The following ZFPM2 variants were observed in gnomAD, a reference collection of about 807,000 sequenced individuals.
The protein encoded by ZFPM2 is zinc finger protein ZFPM2.
ZFPM2 carries 20 observed loss-of-function variants against 98.6 expected under a neutral mutation model. The ratio of observed to expected loss-of-function variants is 0.20; its 90% CI spans 0.14 to 0.29. ZFPM2 has a LOEUF of 0.29. Among genes scored for constraint, ZFPM2 ranks in the 10% least tolerant of loss-of-function variants. ZFPM2 has a pLI of 1.00. For synonymous variants in ZFPM2, 518 were observed against 502.7 expected (o/e 1.03, Z -0.41); for missense variants, 1,310 against 1,388.6 (o/e 0.94, Z 0.90).
chr8:105,455,764 G>A (rs141002435), intron 3 of ZFPM2, among the ~76,000 whole-genome samples: 6 of 152,236 alleles, frequency 3.9e-5, no homozygotes, highest in Admixed American at 1.3e-4. Flanking sequence ...ATTTACTGAG[G>A]TAAGAAAGAC....
At chr8:105,519,040 C>A (rs376501389) in intron 3 of ZFPM2, among the ~76,000 whole-genome samples, 26 of 152,300 alleles carry the variant, frequency 1.7e-4, no homozygotes, top group African/African-American at 5.8e-4. Context: ...ACACACCATT[C>A]TACAGAAATA....
intron 4 of ZFPM2, among the ~76,000 whole-genome samples, chr8:105,597,469 C>T (rs1211407395): frequency 6.6e-6 from 1 of 152,086 alleles, no homozygotes. Flanking sequence ...GTGATTTTCT[C>T]ATGAACATGC....
intron 4 of ZFPM2, among the ~76,000 whole-genome samples, chr8:105,564,027 G>A (rs1020150883): frequency 2.6e-5 from 4 of 152,066 alleles, no homozygotes; most frequent in African/African-American, 9.6e-5. Flanking sequence ...AAATCGTGAT[G>A]GATAGAAGAT....
At chr8:105,672,813 G>A (rs1412068638) in intron 5 of ZFPM2, among the ~76,000 whole-genome samples, 2 of 152,140 alleles carry the variant, frequency 1.3e-5, no homozygotes, top group Non-Finnish European at 2.9e-5. Context: ...CATGTCCTTC[G>A]AGAAGCAGAT....
At chr8:105,774,542 A>G (rs1813054679) in intron 5 of ZFPM2, among the ~76,000 whole-genome samples, 1 of 152,206 alleles carries the variant, frequency 6.6e-6, no homozygotes, top group Non-Finnish European at 1.5e-5. Context: ...GCAAAGGGAC[A>G]TGAAAACAAG....
At chr8:105,645,052 A>C (rs755980329) in intron 5 of ZFPM2, among the ~76,000 whole-genome samples, 2 of 152,208 alleles carry the variant, frequency 1.3e-5, no homozygotes. Context: ...TGGGAGTTCT[A>C]TAAGGACAGG....
At chr8:105,541,833 A>G (rs1450188389) in intron 3 of ZFPM2, among the ~76,000 whole-genome samples, 2 of 152,200 alleles carry the variant, frequency 1.3e-5, no homozygotes, top group Non-Finnish European at 1.5e-5. Flanking sequence ...TCAGTATAAC[A>G]TCTGAATCTT....
At chr8:105,706,227 T>C (rs1339202774) in intron 5 of ZFPM2, among the ~76,000 whole-genome samples, 1 of 152,092 alleles carries the variant, frequency 6.6e-6, no homozygotes, top group Non-Finnish European at 1.5e-5. Flanking sequence ...AATTCAAATA[T>C]AAACATACAT....
intron 3 of ZFPM2, among the ~76,000 whole-genome samples, chr8:105,510,357 C>T (rs548899447): frequency 4.9e-4 from 73 of 150,376 alleles, no homozygotes; most frequent in African/African-American, 1.7e-3. Context: ...CGACTATGTT[C>T]GTCGGGCTAC....
intron 5 of ZFPM2, among the ~76,000 whole-genome samples, chr8:105,755,972 A>G (rs1812587220): frequency 6.6e-6 from 1 of 152,136 alleles, no homozygotes. Flanking sequence ...AGGTGAGTGT[A>G]AGATATTCTC....
rs146088488 is a variant in ZFPM2, at chr8:105,595,444, A to T, written c.420+33963A>T. On this transcript the variant is annotated intron_variant, in intron 4 of 7. Coordinates refer to ENST00000407775, the MANE Select transcript of ZFPM2 (RefSeq NM_012082.4). ...TTATCCAACAGGGGTAAGTGTGAAG[A>T]TTAAACATTTTACTGTCTCAGATGC... 4.0e-3 allele frequency among the ~76,000 whole-genome samples: 602 copies of T among 152,238 alleles called. 4 individuals are homozygous for T. The highest frequency in any genetic ancestry group is 0.014 in the African/African-American group (580 of 41,576).
intron 3 of ZFPM2, among the ~76,000 whole-genome samples, chr8:105,471,386 C>T (rs1003635377): frequency 2.6e-5 from 4 of 152,166 alleles, no homozygotes; most frequent in South Asian, 2.1e-4. Context: ...ATGGTTGACA[C>T]TATTTCAGGA....
At chr8:105,569,647 C>A (rs1815314290) in intron 4 of ZFPM2, among the ~76,000 whole-genome samples, 1 of 152,156 alleles carries the variant, frequency 6.6e-6, no homozygotes. Context: ...TTGGATGCAG[C>A]TAGGAGGATG....
chr8:105,670,992 A>T (rs973925007), intron 5 of ZFPM2, among the ~76,000 whole-genome samples: 1 of 152,172 alleles, frequency 6.6e-6, no homozygotes, highest in African/African-American at 2.4e-5. Context: ...GCTTGGCCAT[A>T]CTTCAATATT....
intron 3 of ZFPM2, among the ~76,000 whole-genome samples, chr8:105,537,187 A>T (rs931557480): frequency 6.7e-6 from 1 of 149,260 alleles, no homozygotes; most frequent in African/African-American, 2.4e-5. Context: ...CGTGCCAGTG[A>T]TTAATTCAGA....
chr8:105,393,990 T>C (rs1296291007), intron 1 of ZFPM2, among the ~76,000 whole-genome samples: 1 of 151,346 alleles, frequency 6.6e-6, no homozygotes, highest in Non-Finnish European at 1.5e-5. Flanking sequence ...GCTTCCTGGG[T>C]TCACGCCATT....
At chr8:105,590,913 A>G (rs1319673413) in intron 4 of ZFPM2, among the ~76,000 whole-genome samples, 3 of 152,212 alleles carry the variant, frequency 2.0e-5, no homozygotes. Context: ...CTGCCATAGT[A>G]TTAGTAGTTT....
At chr8:105,383,221 A>G (rs139695193) in intron 1 of ZFPM2, among the ~76,000 whole-genome samples, 1 of 152,254 alleles carries the variant, frequency 6.6e-6, no homozygotes, top group African/African-American at 2.4e-5. Flanking sequence ...GTTAATAAAC[A>G]TATTAGCATA....
chr8:105,389,432 T>A (rs544046669), intron 1 of ZFPM2, among the ~76,000 whole-genome samples: 1 of 152,242 alleles, frequency 6.6e-6, no homozygotes, highest in Admixed American at 6.5e-5. Context: ...AGACCTTTAG[T>A]AAAGATGAAT....
Sources: gnomAD v4.1 joint callset for allele counts (sites outside exome capture counted in the v4.1 genomes callset) on GRCh38, gnomAD v4.1.1 for gene constraint, MANE v1.5 for transcripts, NCBI Gene and HGNC (gene_info 2026-07-23, HGNC 2026-07-21) for gene names.